Variants in SPIN1 observed in about 807,000 individuals in gnomAD.
The protein encoded by SPIN1 is spindlin 1, also known as spindlin-1.
Under a neutral mutation model 26.0 loss-of-function variants are expected in SPIN1, and 3 were observed. That is an observed-to-expected ratio of 0.12 (90% confidence interval 0.05 to 0.30). The LOEUF (loss-of-function observed/expected upper bound fraction) is 0.30. Ranked by LOEUF, SPIN1 falls within the 10% of genes least tolerant of loss-of-function variation. The pLI is 1.00. For missense variants in SPIN1, 126 were observed against 333.4 expected, an observed-to-expected ratio of 0.38 and a Z score of 4.84; for synonymous variants, 101 against 116.5, an observed-to-expected ratio of 0.87 and a Z score of 0.86.
At chr9:88,390,323 A>C (rs1453718815) in intron 1 of SPIN1, among the ~76,000 whole-genome samples, 1 of 152,164 alleles carries the variant, frequency 6.6e-6, no homozygotes, top group Non-Finnish European at 1.5e-5. Flanking sequence ...AGGGGTCACA[A>C]TATTGATGTG....
At chr9:88,441,141 T>C (rs967907051) in intron 2 of SPIN1, among the ~76,000 whole-genome samples, 9 of 151,922 alleles carry the variant, frequency 5.9e-5, no homozygotes, top group Admixed American at 3.9e-4. Context: ...GTCATTTTTT[T>C]CTAAATGATG....
intron 3 of SPIN1, among the ~76,000 whole-genome samples, chr9:88,449,379 C>T (rs1392542508): frequency 1.3e-5 from 2 of 152,034 alleles, no homozygotes; most frequent in African/African-American, 4.8e-5. Flanking sequence ...GGGCAGAGAC[C>T]GTGTCTTAAG....
chr9:88,397,880 TC>T (rs774426455), intron 1 of SPIN1, among the ~76,000 whole-genome samples: 1 of 151,824 alleles, frequency 6.6e-6, no homozygotes, highest in Non-Finnish European at 1.5e-5. Flanking sequence ...CTCCTCTGCC[TC>T]CCAAAGTGCT....
intron 1 of SPIN1, among the ~76,000 whole-genome samples, chr9:88,390,477 C>T (rs950409463): frequency 1.3e-5 from 2 of 152,186 alleles, no homozygotes; most frequent in African/African-American, 2.4e-5. Flanking sequence ...ATAGTTACAA[C>T]GTTACTGGTT....
chr9:88,409,073 G>A (rs1301657876), intron 1 of SPIN1, among the ~76,000 whole-genome samples: 16 of 151,020 alleles, frequency 1.1e-4, no homozygotes, highest in Non-Finnish European at 1.9e-4. Context: ...TCGGCTCATC[G>A]CAACCTCCAC....
chr9:88,456,920 GA>G (rs1267971077), intron 3 of SPIN1, among the ~76,000 whole-genome samples: 2 of 152,138 alleles, frequency 1.3e-5, no homozygotes, highest in Non-Finnish European at 2.9e-5. Flanking sequence ...TCATTAAAAA[GA>G]AAAACCATTC....
intron 3 of SPIN1, among the ~76,000 whole-genome samples, chr9:88,453,956 T>G (rs1828416062): frequency 6.6e-6 from 1 of 151,660 alleles, no homozygotes; most frequent in Non-Finnish European, 1.5e-5. Context: ...ACAAGAAAAG[T>G]TTTTTTTAGC....
At chr9:88,471,935 A>C (rs1828798244) in intron 5 of SPIN1, among the ~76,000 whole-genome samples, 1 of 151,736 alleles carries the variant, frequency 6.6e-6, no homozygotes, top group Non-Finnish European at 1.5e-5. Context: ...AGGAACTGGG[A>C]TTACAGGCAT....
intron 1 of SPIN1, chr9:88,411,231 T>C (rs745717899): frequency 8.3e-5 from 96 of 1,153,786 alleles, no homozygotes; most frequent in Non-Finnish European, 1.2e-4. Context: ...CTGTTCACCT[T>C]GTGTGGCCTT....
At chr9:88,405,930 G>T (rs1774392250) in intron 1 of SPIN1, among the ~76,000 whole-genome samples, 5 of 151,766 alleles carry the variant, frequency 3.3e-5, no homozygotes, top group Admixed American at 2.6e-4. Context: ...CTGCCTCCTG[G>T]GTTCAAGTGA....
chr9:88,411,546 C>A (rs1336886272), intron 1 of SPIN1: 2 of 626,558 alleles, frequency 3.2e-6, no homozygotes, highest in Non-Finnish European at 5.6e-6. Context: ...CAGAATCTCA[C>A]TTTGTCACCC....
chr9:88,390,520 T>C (rs1826896832), intron 1 of SPIN1, among the ~76,000 whole-genome samples: 1 of 152,250 alleles, frequency 6.6e-6, no homozygotes, highest in African/African-American at 2.4e-5. Context: ...TTTTTTCTAG[T>C]ATATTCGATA....
chr9:88,409,492 A>G (rs1218341274), intron 1 of SPIN1, among the ~76,000 whole-genome samples: 1 of 151,922 alleles, frequency 6.6e-6, no homozygotes, highest in Non-Finnish European at 1.5e-5. Context: ...GGGAATAGGC[A>G]GTCTGGGAAC....
chr9:88,400,277 A>G (rs1027588915), intron 1 of SPIN1, among the ~76,000 whole-genome samples: 1 of 152,190 alleles, frequency 6.6e-6, no homozygotes, highest in South Asian at 2.1e-4. Context: ...TTGCCACTGT[A>G]TAGTCAGGAG....
chr9:88,415,867 C>T (rs1447796644), intron 1 of SPIN1, among the ~76,000 whole-genome samples: 1 of 152,018 alleles, frequency 6.6e-6, no homozygotes, highest in Non-Finnish European at 1.5e-5. Context: ...CCTCAGCCTC[C>T]TGAGTACCTG....
At chr9:88,448,048 T>C (rs1036317575) in intron 2 of SPIN1, among the ~76,000 whole-genome samples, 3 of 123,448 alleles carry the variant, frequency 2.4e-5, no homozygotes, top group African/African-American at 1.4e-4. Context: ...TGTTTTGGTC[T>C]TTTTTTTTTT....
intron 1 of SPIN1, among the ~76,000 whole-genome samples, chr9:88,418,237 C>T (rs575449925): frequency 7.9e-5 from 12 of 152,300 alleles, no homozygotes; most frequent in Non-Finnish European, 1.8e-4. Context: ...AAACCACTTC[C>T]TGAGGCTATC....
chr9:88,422,988 C>A (rs1000663997), intron 1 of SPIN1, among the ~76,000 whole-genome samples: 1 of 151,726 alleles, frequency 6.6e-6, no homozygotes, highest in Non-Finnish European at 1.5e-5. Flanking sequence ...GGATTACAGG[C>A]GTGAGCCACC....
chr9:88,401,882 T>A (rs1450051725), intron 1 of SPIN1, among the ~76,000 whole-genome samples: 1 of 152,258 alleles, frequency 6.6e-6, no homozygotes, highest in Non-Finnish European at 1.5e-5. Flanking sequence ...TTTCCTTTTA[T>A]TAATACATAA....
Sources: gnomAD v4.1 joint callset for allele counts (sites outside exome capture counted in the v4.1 genomes callset) on GRCh38, gnomAD v4.1.1 for gene constraint, MANE v1.5 for transcripts, NCBI Gene and HGNC (gene_info 2026-07-23, HGNC 2026-07-21) for gene names.